Variants in FMN1 observed in about 807,000 individuals in gnomAD.
FMN1 encodes formin 1.
A neutral mutation model predicts 132.4 loss-of-function variants in FMN1; 110 were observed. The ratio of observed to expected loss-of-function variants is 0.83; its 90% confidence interval spans 0.71 to 0.97. FMN1 has a LOEUF of 0.97. FMN1 is among the 50% of genes least tolerant of loss of function. The probability of loss-of-function intolerance (pLI) is 0.00; values close to 1 mark genes in which losing one functional copy is unlikely to be tolerated. For synonymous variants in FMN1, 722 were observed against 651.7 expected, an observed-to-expected ratio of 1.11 and a Z score of -1.64; for missense variants, 1,792 against 1,705.3, an observed-to-expected ratio of 1.05 and a Z score of -0.90.
chr15:32,933,711 CCTT>C (rs200256951), intron 9 of FMN1, among the ~76,000 whole-genome samples: 1,732 of 152,118 alleles, frequency 0.011, 18 homozygotes, highest in Non-Finnish European at 0.019. Context: ...TAAATAGTGT[CCTT>C]CTTTTTCTTT....
At chr15:32,870,972 G>C (rs1419592960) in intron 16 of FMN1, among the ~76,000 whole-genome samples, 1 of 152,150 alleles carries the variant, frequency 6.6e-6, no homozygotes, top group Non-Finnish European at 1.5e-5. Context: ...TTAGGAGGTA[G>C]GGGATTTCAA....
chr15:33,100,549 A>G (rs1243000476), intron 4 of FMN1, among the ~76,000 whole-genome samples: 1 of 152,156 alleles, frequency 6.6e-6, no homozygotes, highest in African/African-American at 2.4e-5. Flanking sequence ...GAGAGGGAAA[A>G]AGAGGAAGAG....
chr15:33,163,689 C>T (rs1031764710), intron 3 of FMN1, among the ~76,000 whole-genome samples: 4 of 151,900 alleles, frequency 2.6e-5, no homozygotes, highest in Admixed American at 6.6e-5. Flanking sequence ...GAGATCTTGG[C>T]TCACTGCAAC....
intron 9 of FMN1, among the ~76,000 whole-genome samples, chr15:32,940,437 T>C (rs1474168308): frequency 6.8e-6 from 1 of 147,012 alleles, no homozygotes; most frequent in Non-Finnish European, 1.5e-5. Context: ...GTGTGTCTGT[T>C]CAATGGAGTT....
intron 3 of FMN1, among the ~76,000 whole-genome samples, chr15:33,159,816 A>T (rs1349020984): frequency 6.6e-6 from 1 of 152,248 alleles, no homozygotes; most frequent in African/African-American, 2.4e-5. Flanking sequence ...AATCAAGAAT[A>T]GAAAGAAGTT....
chr15:33,020,656 A>C lies in FMN1; in HGVS notation c.2162-12581T>G, dbSNP rs930414271. Among the ~76,000 whole-genome samples, 280 of 146,066 alleles carry C rather than the reference A, an allele frequency of 1.9e-3. 2 individuals carry two copies. The highest frequency in any genetic ancestry group is 6.4e-3 in the African/African-American group (254 of 39,514). ...TCCGTCTCAAAAAAAAAAAAAAAAA[A>C]GACACTATGCTTAGTTAGCCTCTTT... is the stretch of plus-strand genomic sequence containing the variant. On this transcript the variant is annotated intron_variant, in intron 6 of 20. Transcript: ENST00000616417.
At chr15:33,083,404 A>C (rs112397674) in intron 5 of FMN1, among the ~76,000 whole-genome samples, 3,858 of 152,262 alleles carry the variant, frequency 0.025, 166 homozygotes, top group African/African-American at 0.088. Flanking sequence ...AGAGGATGGG[A>C]GGCTGGTTGC....
At chr15:33,192,915 G>A (rs1966127270) in intron 2 of FMN1, among the ~76,000 whole-genome samples, 1 of 152,028 alleles carries the variant, frequency 6.6e-6, no homozygotes, top group Admixed American at 6.5e-5. Context: ...TTTTACAGAC[G>A]AGAAATTAAA....
intron 4 of FMN1, among the ~76,000 whole-genome samples, chr15:33,109,708 G>A (rs188110743): frequency 1.4e-3 from 207 of 152,040 alleles, no homozygotes; most frequent in African/African-American, 4.9e-3. Flanking sequence ...TGAGAGGAGG[G>A]AGAGAAACAG....
chr15:33,113,928 G>A (rs890010167), intron 4 of FMN1, among the ~76,000 whole-genome samples: 2 of 152,162 alleles, frequency 1.3e-5, no homozygotes, highest in African/African-American at 4.8e-5. Flanking sequence ...TCACCCACAA[G>A]TGTGGGAAAC....
chr15:33,009,570 T>C (rs1002585055), intron 6 of FMN1, among the ~76,000 whole-genome samples: 1 of 152,210 alleles, frequency 6.6e-6, no homozygotes, highest in Non-Finnish European at 1.5e-5. Flanking sequence ...TCTTTGCTAA[T>C]ATTGAAAACA....
At chr15:32,853,660 A>T (rs913746039) in intron 17 of FMN1, among the ~76,000 whole-genome samples, 1 of 152,190 alleles carries the variant, frequency 6.6e-6, no homozygotes, top group Non-Finnish European at 1.5e-5. Context: ...TTTGGCAAAA[A>T]CCCAGCCCCT....
chr15:32,915,561 AGGCACACC>A (rs2060664995), intron 10 of FMN1, among the ~76,000 whole-genome samples: 1 of 152,270 alleles, frequency 6.6e-6, no homozygotes, highest in Non-Finnish European at 1.5e-5. Context: ...GTGTGCACAC[AGGCACACC>A]GCTCATAAAC....
At chr15:32,964,999 AC>A (rs2140615450) in intron 8 of FMN1, among the ~76,000 whole-genome samples, 1 of 152,310 alleles carries the variant, frequency 6.6e-6, no homozygotes, top group East Asian at 1.9e-4. Flanking sequence ...ATCAGGCGTA[AC>A]AGAACAGCCT....
chr15:33,045,641 T>C (rs936301795), intron 6 of FMN1, among the ~76,000 whole-genome samples: 1 of 152,194 alleles, frequency 6.6e-6, no homozygotes, highest in Non-Finnish European at 1.5e-5. Flanking sequence ...GGTCCAGGAT[T>C]GAATCTGATC....
rs1316139391 is a variant in FMN1, at chr15:33,153,609, C to T, written c.1306G>A (p.Gly436Arg). ...ESEKLDEAPE[G>R]KRLGFPVHTS... ...TGGACAGGGAAGCCCAGTCTTTTCC[C>T]CTCAGGGGCTTCATCTAACTTCTCA... The change falls in exon 4 of 21, where the codon GGG becomes AGG. Residue 436 changes from glycine to arginine, a missense_variant. Coordinates refer to ENST00000616417, the MANE Select transcript of FMN1 (RefSeq NM_001277313.2). 1.3e-6 allele frequency: 2 copies of T among 1,536,080 alleles called. No homozygotes were observed. The highest frequency in any genetic ancestry group is 4.9e-5 in the East Asian group (2 of 40,910).
intron 17 of FMN1, among the ~76,000 whole-genome samples, chr15:32,809,976 G>A (rs1329504470): frequency 2.0e-5 from 3 of 151,722 alleles, no homozygotes; most frequent in African/African-American, 7.3e-5. Context: ...CTGGAGTGCC[G>A]TGATGCAATC....
At chr15:32,968,590 T>A in intron 8 of FMN1, 124 bp downstream of exon 8, 1 of 1,390,680 alleles carries the variant, frequency 7.2e-7, no homozygotes. Flanking sequence ...TATCCAAGCA[T>A]TCACTGTATC....
At chr15:33,107,579 A>T (rs144227290) in intron 4 of FMN1, among the ~76,000 whole-genome samples, 3,045 of 152,122 alleles carry the variant, frequency 0.02, 61 homozygotes, top group South Asian at 0.093. Context: ...TTTGGCATTT[A>T]CACTGGTGTT....
Sources: gnomAD v4.1 joint callset for allele counts (sites outside exome capture counted in the v4.1 genomes callset) on GRCh38, gnomAD v4.1.1 for gene constraint, MANE v1.5 for transcripts, NCBI Gene and HGNC (gene_info 2026-07-23, HGNC 2026-07-21) for gene names.